Variants in PNPLA7 observed in about 807,000 individuals in gnomAD.
The protein encoded by PNPLA7 is patatin-like phospholipase domain-containing protein 7.
A neutral mutation model predicts 161.7 loss-of-function variants in PNPLA7; 153 were observed. The ratio of observed to expected loss-of-function variants is 0.95; its 90% CI spans 0.83 to 1.08. PNPLA7 has a LOEUF of 1.08. Among genes scored for constraint, PNPLA7 ranks in the 50% least tolerant of loss-of-function variants. The pLI, the probability that PNPLA7 is intolerant of heterozygous loss-of-function variation, is 0.00. For synonymous variants in PNPLA7, 809 were observed against 782.1 expected, an observed-to-expected ratio of 1.03 and a Z score of -0.57; for missense variants, 1,739 against 1,856.6, an observed-to-expected ratio of 0.94 and a Z score of 1.16.
At chr9:137,461,643 A>G in intron 32 of PNPLA7, 23 bp from the exon 33 acceptor site, 1 of 1,573,492 alleles carries the variant, frequency 6.4e-7, no homozygotes, top group Non-Finnish European at 8.7e-7. Context: ...TGAGGACAGC[A>G]CGTTGCCTGT....
At chr9:137,525,161 G>A (rs1317878019) in intron 8 of PNPLA7, among the ~76,000 whole-genome samples, 1 of 152,232 alleles carries the variant, frequency 6.6e-6, no homozygotes, top group Non-Finnish European at 1.5e-5. Context: ...AGGGGAGGAA[G>A]CTAGACATCG....
chr9:137,519,797 C>T (rs1237353504), intron 11 of PNPLA7, 120 bp downstream of exon 11: 15 of 1,347,176 alleles, frequency 1.1e-5, no homozygotes, highest in South Asian at 2.9e-5. Flanking sequence ...TGAGGTGACC[C>T]GGGGATGTGT....
At position 137,468,581 on chromosome 9, in the gene PNPLA7, C is replaced by T. The variant is rs922314920; in HGVS notation, c.2883-1108G>A. On this transcript the variant is annotated intron_variant, in intron 25 of 34. Transcript: ENST00000406427. The surrounding 1 kb of genome is among the most constrained non-coding windows in gnomAD (Gnocchi z 4.0). ...CTGTGGTTTAGCTCTCTGTCCCCAC[C>T]GAAATCTCATGTTGAATTTTAATCC... Among the ~76,000 whole-genome samples the T allele has an allele frequency of 3.3e-5, 5 of 152,038 alleles. No individual in the cohort carries two copies. Among genetic ancestry groups the T allele is most frequent in the African/African-American group, 4.8e-5 (2 of 41,378 alleles).
At position 137,468,824 on chromosome 9, in the gene PNPLA7, T is replaced by C. The variant is rs1831592196; in HGVS notation, c.2883-1351A>G. Among the ~76,000 whole-genome samples the C allele has an allele frequency of 6.6e-6, 1 of 152,138 alleles. No individual in the cohort carries two copies. Among genetic ancestry groups the C allele is most frequent in the South Asian group, 2.1e-4 (1 of 4,830 alleles). On this transcript the variant is annotated intron_variant, in intron 25 of 34. Coordinates refer to ENST00000406427, the MANE Select transcript of PNPLA7 (RefSeq NM_001098537.3). This position sits in a 1 kb window ranked among gnomAD's most constrained non-coding sequence, Gnocchi z 4.0. ...CATTGTATCATTAATTATATTAATA[T>C]GATATATTAATACTTAATTGGATAC...
chr9:137,516,847 T>C (rs1441585717), intron 11 of PNPLA7, among the ~76,000 whole-genome samples: 1 of 150,370 alleles, frequency 6.7e-6, no homozygotes, highest in African/African-American at 2.4e-5. Context: ...ATTATTATTA[T>C]TATAAAAATA....
At chr9:137,461,766 G>A in intron 32 of PNPLA7, 146 bp from the exon 33 acceptor site, 3 of 1,184,730 alleles carry the variant, frequency 2.5e-6, no homozygotes, top group South Asian at 1.5e-5. Context: ...CCGGGGAGAT[G>A]CGCAGTCCTG....
At chr9:137,545,835 C>G (rs571195234) in intron 4 of PNPLA7, among the ~76,000 whole-genome samples, 2 of 152,288 alleles carry the variant, frequency 1.3e-5, no homozygotes, top group East Asian at 3.9e-4. Flanking sequence ...GTGACGCCAG[C>G]GTCTGGGAAG....
intron 11 of PNPLA7, among the ~76,000 whole-genome samples, chr9:137,515,913 C>T (rs1397039318): frequency 5.4e-5 from 1 of 18,624 alleles, no homozygotes; most frequent in Non-Finnish European, 1.1e-4. Flanking sequence ...CCCCCCTCCC[C>T]ACCCCAATGC....
In PNPLA7 at chr9:137,523,752, C is replaced by G. The variant is rs1343420998; in HGVS notation, c.748-895G>C. On this transcript the variant is annotated intron_variant, in intron 8 of 34. Transcript: ENST00000406427. The surrounding 1 kb of genome is among the most constrained non-coding windows in gnomAD (Gnocchi z 4.4). ...CACCATTCTCCTGCCTCAGCCTCCA[C>G]AGTAGCTGGGGCTACAAGCGCCCGC... 6.6e-6 allele frequency among the ~76,000 whole-genome samples: 1 copy of G among 152,058 alleles called. No homozygotes were observed. The highest frequency in any genetic ancestry group is 2.4e-5 in the African/African-American group (1 of 41,408).
intron 12 of PNPLA7, chr9:137,509,054 T>C (rs964569573): frequency 6.5e-6 from 1 of 153,412 alleles, no homozygotes; most frequent in African/African-American, 2.4e-5. Flanking sequence ...CCGCTAACCA[T>C]GGGCGGCCAG....
intron 25 of PNPLA7, among the ~76,000 whole-genome samples, chr9:137,475,037 C>T (rs1226154212): frequency 7.4e-6 from 1 of 135,494 alleles, no homozygotes; most frequent in Non-Finnish European, 1.5e-5. Context: ...AAAAAAGAAG[C>T]TCCAGGAAGA....
rs1377585981 is a variant in PNPLA7, at chr9:137,515,409, C to G, written c.1195G>C (p.Ala399Pro). 4 of 1,604,176 alleles carry G rather than the reference C, an allele frequency of 2.5e-6. No individual in the cohort carries two copies. Among genetic ancestry groups the G allele is most frequent in the South Asian group, 2.2e-5 (2 of 89,202 alleles). The change falls in exon 12 of 35, where the codon GCA becomes CCA. Residue 399 changes from alanine (A) to proline (P), a missense_variant. This residue lies in a region of PNPLA7 where 481 missense variants were observed against 450.0 expected (regional missense o/e 1.07). Coordinates refer to ENST00000406427, the MANE Select transcript of PNPLA7 (RefSeq NM_001098537.3). ...QILEELEKPG[A>P]GDPDPSAPQG... Reference sequence around the variant, plus strand: ...GGGGCCGAAGGGTCAGGGTCACCTGCCCCGGGCTTCTCCAGCTCCTCCAAG... The same window carrying G: ...GGGGCCGAAGGGTCAGGGTCACCTGGCCCGGGCTTCTCCAGCTCCTCCAAG...
Position 137,464,470 on chromosome 9 carries a change from T to C in PNPLA7, c.3040-14A>G, listed in dbSNP as rs1457042247. On this transcript the variant is annotated splice_polypyrimidine_tract_variant and intron_variant, in intron 26 of 34. Transcript: ENST00000406427. Reference sequence around the variant, plus strand: ...GGACGTCATGCCCTGGGGCCACATGTGGAATTTACAGAAGGCTTCCACCCT... The same window carrying C: ...GGACGTCATGCCCTGGGGCCACATGCGGAATTTACAGAAGGCTTCCACCCT... 10 of 1,609,546 alleles carry C rather than the reference T, an allele frequency of 6.2e-6. No individual in the cohort carries two copies. The African/African-American group carries it at 1.3e-4, about 22-fold the overall frequency.
At position 137,523,624 on chromosome 9, in the gene PNPLA7, G is replaced by A. The variant is rs895784052; in HGVS notation, c.748-767C>T. Reference sequence around the variant, plus strand: ...CACCATGCCGTCACCTGCCTGCAGAGACAGATTTTTTTTTTTTTTTGAGAC... The same window carrying A: ...CACCATGCCGTCACCTGCCTGCAGAAACAGATTTTTTTTTTTTTTTGAGAC... On this transcript the variant is annotated intron_variant, in intron 8 of 34. Transcript: ENST00000406427. This position sits in a 1 kb window ranked among gnomAD's most constrained non-coding sequence, Gnocchi z 4.4. Among the ~76,000 whole-genome samples the A allele has an allele frequency of 6.6e-6, 1 of 151,956 alleles. No homozygotes were observed. Among genetic ancestry groups the A allele is most frequent in the African/African-American group, 2.4e-5 (1 of 41,340 alleles).
At chr9:137,539,579 G>A (rs1002673907) in intron 8 of PNPLA7, among the ~76,000 whole-genome samples, 1 of 152,066 alleles carries the variant, frequency 6.6e-6, no homozygotes, top group Non-Finnish European at 1.5e-5. Flanking sequence ...TGAGGTGAGA[G>A]AATTGCTTGA....
intron 9 of PNPLA7, 116 bp from the exon 10 acceptor site, chr9:137,521,832 C>T (rs570262428): frequency 3.2e-5 from 25 of 787,678 alleles, no homozygotes; most frequent in Middle Eastern, 2.8e-4. Context: ...TGCCACAGAC[C>T]GAACCCTCTC....
chr9:137,461,042 G>GA, intron 33 of PNPLA7: 1 of 410,556 alleles, frequency 2.4e-6, no homozygotes, highest in South Asian at 2.6e-5. Context: ...GGCAACTGTG[G>GA]ATAGGGGCTG....
rs1244796399 is a variant in PNPLA7 at position 137,543,387 on chromosome 9, G to C, written c.506+45C>G. 1.2e-6 allele frequency: 2 copies of C among 1,612,760 alleles called. No individual in the cohort carries two copies. The highest frequency in any genetic ancestry group is 1.7e-6 in the Non-Finnish European group (2 of 1,179,642). ...GCCAGGCCCCAGCGAGAAGCCCGGG[G>C]CTATGGGAGCTGCCGCAGCCCCCGG... On this transcript the variant is annotated intron_variant, in intron 6 of 34. Coordinates refer to ENST00000406427, the MANE Select transcript of PNPLA7 (RefSeq NM_001098537.3). This position sits in a 1 kb window ranked among gnomAD's most constrained non-coding sequence, Gnocchi z 6.9.
At chr9:137,522,283 C>G (rs1369798919) in intron 9 of PNPLA7, among the ~76,000 whole-genome samples, 1 of 149,786 alleles carries the variant, frequency 6.7e-6, no homozygotes, top group Non-Finnish European at 1.5e-5. Flanking sequence ...ACCGTGTGAG[C>G]CAGGATGGTC....
Sources: allele counts gnomAD v4.1 joint callset (sites outside exome capture counted in the v4.1 genomes callset), GRCh38; gene constraint gnomAD v4.1.1; regional missense constraint gnomAD v4.1.1; non-coding constraint Gnocchi (gnomAD v3.1); transcripts MANE v1.5; gene names NCBI Gene and HGNC (gene_info 2026-07-23, HGNC 2026-07-21).